DLD: variants seen among roughly 807,000 people sequenced by gnomAD.
The protein encoded by DLD is dihydrolipoamide dehydrogenase.
In DLD, 36 loss-of-function variants were observed where a neutral mutation model predicts 62.2. The observed-to-expected ratio is 0.58, with a 90% CI of 0.44 to 0.76. DLD has a LOEUF of 0.76. DLD is among the 30% of genes least tolerant of loss of function. DLD has a pLI of 0.00. For missense variants in DLD, 541 were observed against 608.6 expected (o/e 0.89, Z 1.17); for synonymous variants, 204 against 199.6 (o/e 1.02, Z -0.19).
chr7:107,904,770 AG>A, intron 5 of DLD, 187 bp from the exon 6 acceptor site: 1 of 659,682 alleles, frequency 1.5e-6, no homozygotes, highest in Middle Eastern at 2.4e-4. Flanking sequence ...AGTGTTTGAT[AG>A]GTTCTGTTTC....
At chr7:107,897,653 A>C (rs983401009) in intron 2 of DLD, among the ~76,000 whole-genome samples, 3 of 141,576 alleles carry the variant, frequency 2.1e-5, no homozygotes, top group African/African-American at 8.2e-5. Flanking sequence ...ATCTTGGTTC[A>C]CTGCAACTTC....
intron 2 of DLD, among the ~76,000 whole-genome samples, chr7:107,897,846 T>C (rs189070937): frequency 5.9e-5 from 9 of 152,286 alleles, no homozygotes; most frequent in Non-Finnish European, 7.4e-5. Context: ...CCCAAAGTGC[T>C]GGGATTACAC....
chr7:107,891,756 G>C (rs904694522), intron 1 of DLD: 4 of 199,114 alleles, frequency 2.0e-5, no homozygotes, highest in East Asian at 1.5e-4. Flanking sequence ...GATCCAGTCA[G>C]CTCCAACAGA....
At chr7:107,911,753 A>G (rs1170667435) in intron 8 of DLD, among the ~76,000 whole-genome samples, 1 of 151,956 alleles carries the variant, frequency 6.6e-6, no homozygotes, top group African/African-American at 2.4e-5. Flanking sequence ...TTCAAGGTAC[A>G]TGTGATAATT....
At chr7:107,895,683 A>G (rs1162901315) in intron 2 of DLD, among the ~76,000 whole-genome samples, 1 of 152,244 alleles carries the variant, frequency 6.6e-6, no homozygotes, top group Non-Finnish European at 1.5e-5. Flanking sequence ...TAATTGTGAC[A>G]GGGGTCCATA....
rs189888973 is a variant in DLD at position 107,919,613 on chromosome 7, T to C, written c.*354T>C. 2.8e-5 allele frequency: 6 copies of C among 217,042 alleles called. No individual in the cohort carries two copies. The East Asian group carries it at 7.6e-4, about 27-fold the overall frequency. The allele number at this position is 217,042 out of a possible 1,614,324, so 13.4% of individuals were successfully genotyped here. A position where few individuals can be genotyped will look rare whatever the true frequency, so the allele number is the denominator to read the frequency against. ...AAGTTGAATTTTACATGGCTGGAGC[T>C]AGAATTTGATATGTGAACAGTTGTG... On this transcript the variant is annotated 3_prime_UTR_variant, in exon 14 of 14. Transcript: ENST00000205402.
chr7:107,912,183 A>C (rs2032160313), intron 8 of DLD, among the ~76,000 whole-genome samples: 2 of 152,080 alleles, frequency 1.3e-5, no homozygotes, highest in Non-Finnish European at 2.9e-5. Flanking sequence ...TTTATGGCTG[A>C]ATAATATTCC....
Position 107,920,883 on chromosome 7 carries a change from A to T in DLD, c.*1624A>T, listed in dbSNP as rs2032394374. ...AGTTTTTTCTAAAATATATTTGTTC[A>T]GAGTTTGCAGTTGCTATCAGCAGGA... On this transcript the variant is annotated 3_prime_UTR_variant, in exon 14 of 14. Transcript: ENST00000205402. The T allele has an allele frequency of 6.6e-6, 1 of 152,332 alleles. No homozygotes were observed. The highest frequency in any genetic ancestry group is 1.5e-5 in the Non-Finnish European group (1 of 68,042). 9.4% of individuals were successfully genotyped at this position (152,332 alleles called of 1,614,324 possible). A position where few individuals can be genotyped will look rare whatever the true frequency, so the allele number is the denominator to read the frequency against.
chr7:107,901,577 C>T (rs1023426265), intron 2 of DLD, among the ~76,000 whole-genome samples, 161 bp from the exon 3 acceptor site: 2 of 152,108 alleles, frequency 1.3e-5, no homozygotes, highest in African/African-American at 4.8e-5. Flanking sequence ...CATCAAAGAG[C>T]ATCAAGTAGT....
rs75123588 is a variant in DLD, at chr7:107,906,375, G to A, written c.684+7G>A. 16,954 of 1,579,730 alleles carry A rather than the reference G, an allele frequency of 0.011. 1,560 individuals carry two copies. The African/African-American group carries it at 0.2, about 19-fold the overall frequency. ...AGTAATAGGTGTAGAATTGGTAAGTGTTGTCTTTCTGCCTCTTATTACCTC... is the reference window on the plus strand; with the variant it reads ...AGTAATAGGTGTAGAATTGGTAAGTATTGTCTTTCTGCCTCTTATTACCTC... On this transcript the variant is annotated splice_region_variant and intron_variant, in intron 8 of 13. Coordinates refer to ENST00000205402, the MANE Select transcript of DLD (RefSeq NM_000108.5).
intron 4 of DLD, 132 bp from the exon 5 acceptor site, chr7:107,903,346 C>A (rs568610268): frequency 5.1e-5 from 31 of 603,434 alleles, no homozygotes; most frequent in Admixed American, 2.3e-5. Flanking sequence ...CCATTGCACT[C>A]CAGCTTGGGC....
chr7:107,917,761 A>T (rs532246596), intron 11 of DLD, among the ~76,000 whole-genome samples, 163 bp from the exon 12 acceptor site: 7 of 152,354 alleles, frequency 4.6e-5, no homozygotes, highest in African/African-American at 1.7e-4. Flanking sequence ...CGTGCCTGAG[A>T]TATAGTTCAT....
intron 5 of DLD, chr7:107,903,783 T>C (rs2031936949): frequency 5.5e-6 from 2 of 363,696 alleles, no homozygotes. Flanking sequence ...CCATTATATC[T>C]TCTGTTCCTT....
intron 8 of DLD, among the ~76,000 whole-genome samples, chr7:107,908,251 A>G (rs2116233274): frequency 6.6e-6 from 1 of 151,384 alleles, no homozygotes; most frequent in African/African-American, 2.4e-5. Context: ...CCCGGGTTCA[A>G]GTGATTCTCC....
chr7:107,892,015 A>C (rs954950698), intron 1 of DLD, among the ~76,000 whole-genome samples: 3 of 152,142 alleles, frequency 2.0e-5, no homozygotes, highest in Non-Finnish European at 4.4e-5. Context: ...GAGATGAGGA[A>C]CCTGAGTTCT....
At chr7:107,904,856 T>C (rs950389326) in intron 5 of DLD, 102 bp from the exon 6 acceptor site, 10 of 801,908 alleles carry the variant, frequency 1.2e-5, no homozygotes, top group Non-Finnish European at 1.9e-5. Context: ...ATACTGCCTT[T>C]TATAAGCATT....
In DLD at chr7:107,915,687, T is replaced by C. The variant is rs2116264648; in HGVS notation, c.866T>C (p.Ile289Thr). Reference protein sequence around the residue: ...TGATKKSDGKIDVSIEAASGG... With the variant: ...TGATKKSDGKTDVSIEAASGG... ...GCTACCAAGAAGTCAGATGGAAAAA[T>C]TGATGTTTCGTAAGTATACATCATT... Residue 289 changes from isoleucine (I) to threonine (T), a missense_variant, in exon 9 of 14, where the codon ATT becomes ACT. Physicochemically the swap from Ile to Thr is moderately conservative, Grantham distance 89. Transcript: ENST00000205402. 6.2e-7 allele frequency: 1 copy of C among 1,613,478 alleles called. No homozygotes were observed. The highest frequency in any genetic ancestry group is 1.7e-4 in the Middle Eastern group (1 of 6,054).
intron 6 of DLD, 27 bp downstream of exon 6, chr7:107,905,085 CT>C: frequency 6.7e-7 from 1 of 1,494,428 alleles, no homozygotes; most frequent in Non-Finnish European, 9.3e-7. Flanking sequence ...CAGATTTCTG[CT>C]TTACTTTGAA....
At chr7:107,895,120 G>T (rs1237024954) in intron 2 of DLD, among the ~76,000 whole-genome samples, 1 of 152,142 alleles carries the variant, frequency 6.6e-6, no homozygotes, top group Non-Finnish European at 1.5e-5. Context: ...TGCATTGAGG[G>T]CTTCACTCTG....
Sources: gnomAD v4.1 joint callset for allele counts (sites outside exome capture counted in the v4.1 genomes callset) on GRCh38, gnomAD v4.1.1 for gene constraint, MANE v1.5 for transcripts, NCBI Gene and HGNC (gene_info 2026-07-23, HGNC 2026-07-21) for gene names.